The following MAGI3 variants were observed in gnomAD, a reference collection of about 807,000 sequenced individuals.
MAGI3 encodes the protein membrane associated guanylate kinase, WW and PDZ domain containing 3.
Under a neutral mutation model 121.8 loss-of-function variants are expected in MAGI3, and 43 were observed. That is an observed-to-expected ratio of 0.35 (90% CI 0.28 to 0.46). The LOEUF is 0.46. Among genes scored for constraint, MAGI3 ranks in the 20% least tolerant of loss-of-function variants. The probability of loss-of-function intolerance (pLI) is 1.00; values close to 1 mark genes in which losing one functional copy is unlikely to be tolerated. For missense variants in MAGI3, 1,547 were observed against 1,797.3 expected (o/e 0.86, Z 2.52); for synonymous variants, 553 against 639.3 (o/e 0.86, Z 2.04).
intron 2 of MAGI3, among the ~76,000 whole-genome samples, chr1:113,573,011 C>T (rs1295499263): frequency 3.3e-5 from 5 of 151,918 alleles, no homozygotes; most frequent in Non-Finnish European, 4.4e-5. Context: ...CTGCAAGCTC[C>T]GCCTCCTGGG....
chr1:113,531,724 C>CGG (rs1553196292), intron 1 of MAGI3, among the ~76,000 whole-genome samples: 15 of 121,276 alleles, frequency 1.2e-4, no homozygotes, highest in Non-Finnish European at 1.7e-4. Context: ...GGGTGGGGGT[C>CGG]GGGTGGGGGG....
At chr1:113,395,535 A>G (rs1651064598) in intron 1 of MAGI3, among the ~76,000 whole-genome samples, 1 of 151,830 alleles carries the variant, frequency 6.6e-6, no homozygotes, top group African/African-American at 2.4e-5. Context: ...GATGACTTTT[A>G]TTATATCATT....
chr1:113,583,005 A>C (rs1241534709), intron 3 of MAGI3, among the ~76,000 whole-genome samples: 1 of 151,780 alleles, frequency 6.6e-6, no homozygotes, highest in Non-Finnish European at 1.5e-5. Flanking sequence ...AAAACTTCAA[A>C]ACAGCTCTAA....
intron 1 of MAGI3, among the ~76,000 whole-genome samples, chr1:113,421,995 T>G (rs1370687399): frequency 6.6e-6 from 1 of 152,194 alleles, no homozygotes; most frequent in Non-Finnish European, 1.5e-5. Flanking sequence ...TCACCTCTTA[T>G]CATTAGTGTG....
At chr1:113,584,729 A>G (rs981973890) in intron 3 of MAGI3, among the ~76,000 whole-genome samples, 2 of 152,160 alleles carry the variant, frequency 1.3e-5, no homozygotes, top group Non-Finnish European at 2.9e-5. Context: ...GCATCAATGC[A>G]TTTAAATTCA....
intron 19 of MAGI3, 116 bp from the exon 20 acceptor site, chr1:113,681,082 G>A: frequency 1.7e-6 from 2 of 1,178,942 alleles, no homozygotes; most frequent in Non-Finnish European, 2.4e-6. Flanking sequence ...TACACGTTAG[G>A]TATTTTACAA....
chr1:113,449,740 A>G (rs1259027225), intron 1 of MAGI3: 30 of 961,074 alleles, frequency 3.1e-5, no homozygotes, highest in Non-Finnish European at 4.9e-5. Context: ...AAGTTGAGAA[A>G]ACTGTTTATT....
At chr1:113,396,677 A>G (rs1651132269) in intron 1 of MAGI3, among the ~76,000 whole-genome samples, 1 of 152,142 alleles carries the variant, frequency 6.6e-6, no homozygotes, top group African/African-American at 2.4e-5. Flanking sequence ...AAGAAGTCCT[A>G]TTACTGGCAC....
intron 9 of MAGI3, among the ~76,000 whole-genome samples, chr1:113,628,971 A>T (rs1419090106): frequency 3.9e-5 from 6 of 152,010 alleles, no homozygotes; most frequent in Non-Finnish European, 8.8e-5. Flanking sequence ...TAGGTTTGGG[A>T]AGTTCTCTGA....
At chr1:113,393,955 T>G (rs561014279) in intron 1 of MAGI3, among the ~76,000 whole-genome samples, 2 of 152,340 alleles carry the variant, frequency 1.3e-5, no homozygotes, top group Non-Finnish European at 2.9e-5. Flanking sequence ...GAGTAAAATT[T>G]AACCATTTTT....
At chr1:113,485,132 A>G (rs960940348) in intron 1 of MAGI3, among the ~76,000 whole-genome samples, 1 of 152,196 alleles carries the variant, frequency 6.6e-6, no homozygotes, top group Admixed American at 6.5e-5. Flanking sequence ...ATGCATGTGC[A>G]AGTATCTTTT....
At chr1:113,517,509 G>A (rs961875842) in intron 1 of MAGI3, among the ~76,000 whole-genome samples, 5 of 151,932 alleles carry the variant, frequency 3.3e-5, no homozygotes, top group African/African-American at 1.2e-4. Flanking sequence ...AGGATACCTA[G>A]TAGGCACAAA....
rs1656050614 is a variant in MAGI3, at chr1:113,480,345, G to A, written c.317-69170G>A. On this transcript the variant is annotated intron_variant, in intron 1 of 20. Transcript: ENST00000307546. ...CTTGCCTAGTGCCTGGGTCTGTGGG[G>A]GCTGGCCTGGTACTGGGGGGAGTTC... Among the ~76,000 whole-genome samples the A allele has an allele frequency of 2.0e-5, 3 of 152,322 alleles. No homozygotes were observed. The South Asian group carries it at 6.2e-4, about 32-fold the overall frequency.
rs751939710 is a variant in MAGI3 at position 113,653,890 on chromosome 1, G to A, written c.2501G>A (p.Arg834His). The A allele has an allele frequency of 6.2e-6, 10 of 1,613,604 alleles. No homozygotes were observed. The highest frequency in any genetic ancestry group is 4.0e-5 in the African/African-American group (3 of 74,836). Residue 834 changes from arginine to histidine, a missense_variant, in exon 15 of 21, where the codon CGC becomes CAC. Transcript: ENST00000307546. ...AFISTQNGSP[R>H]LNRAEVPARP... ...ATTTCAACACAGAATGGATCTCCCC[G>A]CCTGAACCGGGCAGAGGTCCCAGCC... is the stretch of plus-strand genomic sequence containing the variant.
intron 1 of MAGI3, among the ~76,000 whole-genome samples, chr1:113,513,382 C>G (rs1657717814): frequency 6.6e-6 from 1 of 152,180 alleles, no homozygotes; most frequent in East Asian, 1.9e-4. Flanking sequence ...AACTATACTA[C>G]AAGGCTACAG....
chr1:113,482,969 C>A (rs1177514245), intron 1 of MAGI3, among the ~76,000 whole-genome samples: 1 of 152,094 alleles, frequency 6.6e-6, no homozygotes, highest in Non-Finnish European at 1.5e-5. Context: ...CCATGCCCAA[C>A]TAGTTTTTTT....
At chr1:113,578,696 A>G (rs1190336568) in intron 2 of MAGI3, among the ~76,000 whole-genome samples, 1 of 152,194 alleles carries the variant, frequency 6.6e-6, no homozygotes, top group Non-Finnish European at 1.5e-5. Context: ...GTTGATTCAG[A>G]GAATCTAACA....
chr1:113,664,953 G>T (rs1325219973), intron 16 of MAGI3, among the ~76,000 whole-genome samples: 1 of 151,992 alleles, frequency 6.6e-6, no homozygotes, highest in Non-Finnish European at 1.5e-5. Context: ...TATGTTCTTT[G>T]ACCATGGTAC....
chr1:113,658,011 G>C lies in MAGI3; in HGVS notation c.2630-1069G>C, dbSNP rs1653575780. Among the ~76,000 whole-genome samples, 1 of 152,186 alleles carries C rather than the reference G, an allele frequency of 6.6e-6. No individual in the cohort carries two copies. On this transcript the variant is annotated intron_variant, in intron 15 of 20. Coordinates refer to ENST00000307546, the MANE Select transcript of MAGI3 (RefSeq NM_001142782.2). The surrounding 1 kb of genome is among the most constrained non-coding windows in gnomAD (Gnocchi z 4.0). Reference sequence around the variant, plus strand: ...TCCTAGATATGATTCAGAAATACTAGTAAGGAGCAGGTTTTACTATGGAAA... The same window carrying C: ...TCCTAGATATGATTCAGAAATACTACTAAGGAGCAGGTTTTACTATGGAAA...
Sources: allele counts gnomAD v4.1 joint callset (sites outside exome capture counted in the v4.1 genomes callset), GRCh38; gene constraint gnomAD v4.1.1; non-coding constraint Gnocchi (gnomAD v3.1); transcripts MANE v1.5; gene names NCBI Gene and HGNC (gene_info 2026-07-23, HGNC 2026-07-21).